NCAM2: variants seen among roughly 807,000 people sequenced by gnomAD.
The protein encoded by NCAM2 is N-CAM-2.
A neutral mutation model predicts 98.1 loss-of-function variants in NCAM2; 30 were observed. The observed-to-expected ratio is 0.31, with a 90% CI of 0.23 to 0.41. NCAM2 has a LOEUF of 0.41. Ranked by LOEUF, NCAM2 falls within the 10% of genes least tolerant of loss-of-function variation. NCAM2 has a pLI of 1.00. For synonymous variants in NCAM2, 368 were observed against 342.4 expected, an observed-to-expected ratio of 1.07 and a Z score of -0.83; for missense variants, 867 against 1,005.8, an observed-to-expected ratio of 0.86 and a Z score of 1.87.
intron 1 of NCAM2, among the ~76,000 whole-genome samples, chr21:21,150,344 GC>G (rs976224197): frequency 1.3e-5 from 2 of 151,846 alleles, no homozygotes; most frequent in African/African-American, 4.8e-5. Flanking sequence ...TTGTTTTCTT[GC>G]CTAGTCTGCT....
chr21:21,006,055 T>G (rs2146116911), intron 1 of NCAM2, among the ~76,000 whole-genome samples: 1 of 152,322 alleles, frequency 6.6e-6, no homozygotes, highest in Middle Eastern at 3.4e-3. Context: ...GATTTTAAGT[T>G]CCTTCTTTAG....
intron 6 of NCAM2, among the ~76,000 whole-genome samples, chr21:21,334,680 C>T (rs1454597264): frequency 1.3e-5 from 2 of 151,812 alleles, no homozygotes; most frequent in Non-Finnish European, 2.9e-5. Flanking sequence ...AAGGAGAATA[C>T]ACAATATAAA....
At chr21:21,296,568 G>A (rs1428914972) in intron 5 of NCAM2, among the ~76,000 whole-genome samples, 1 of 151,746 alleles carries the variant, frequency 6.6e-6, no homozygotes, top group African/African-American at 2.4e-5. Context: ...GACCATCGAT[G>A]CTTTATTAAA....
intron 1 of NCAM2, among the ~76,000 whole-genome samples, chr21:21,237,534 C>G (rs1051433132): frequency 4.0e-5 from 6 of 151,782 alleles, no homozygotes; most frequent in Non-Finnish European, 8.8e-5. Flanking sequence ...TTTAGCTTAC[C>G]TTTCAGCCTC....
Position 21,507,673 on chromosome 21 carries a change from T to C in NCAM2, c.2078-1178T>C, listed in dbSNP as rs367657504. 1.9e-4 allele frequency among the ~76,000 whole-genome samples: 28 copies of C among 150,978 alleles called. 1 individual carries two copies. The highest frequency in any genetic ancestry group is 6.6e-4 in the African/African-American group (27 of 41,092). On this transcript the variant is annotated intron_variant, in intron 15 of 17. Transcript: ENST00000400546. Reference sequence around the variant, plus strand: ...CCCAGGTGCAGTGGCGCCTGTAGTCTCAGCTACTCGGGAGGCTGAGGCATG... The same window carrying C: ...CCCAGGTGCAGTGGCGCCTGTAGTCCCAGCTACTCGGGAGGCTGAGGCATG...
At chr21:21,477,242 C>G in intron 14 of NCAM2, 49 bp from the exon 15 acceptor site, 1 of 1,388,862 alleles carries the variant, frequency 7.2e-7, no homozygotes, top group Non-Finnish European at 9.7e-7. Flanking sequence ...AAAAAGGTGT[C>G]ACTTTAGTGT....
At chr21:21,339,829 T>C (rs924725026) in intron 8 of NCAM2, among the ~76,000 whole-genome samples, 6 of 151,892 alleles carry the variant, frequency 4.0e-5, no homozygotes, top group African/African-American at 1.4e-4. Flanking sequence ...GACTGTGTTA[T>C]CATATATGTT....
At chr21:21,132,775 A>T (rs2066962797) in intron 1 of NCAM2, among the ~76,000 whole-genome samples, 1 of 151,304 alleles carries the variant, frequency 6.6e-6, no homozygotes, top group Non-Finnish European at 1.5e-5. Flanking sequence ...GAGAGACAAG[A>T]ACATAAGCTT....
intron 1 of NCAM2, among the ~76,000 whole-genome samples, chr21:21,205,264 A>G (rs1176090391): frequency 6.6e-6 from 1 of 152,226 alleles, no homozygotes; most frequent in East Asian, 1.9e-4. Flanking sequence ...CAATTTTCTC[A>G]TAAAACTGTA....
At chr21:21,496,234 A>G (rs1602500069) in intron 15 of NCAM2, among the ~76,000 whole-genome samples, 1 of 151,900 alleles carries the variant, frequency 6.6e-6, no homozygotes. Flanking sequence ...ATTCCCATCA[A>G]CAATGTATAA....
At chr21:21,303,109 G>A (rs1225763877) in intron 5 of NCAM2, among the ~76,000 whole-genome samples, 1 of 151,926 alleles carries the variant, frequency 6.6e-6, no homozygotes, top group Non-Finnish European at 1.5e-5. Context: ...AGCAGGGAGG[G>A]AGAAAGGGAG....
chr21:21,210,641 A>G (rs1012202597), intron 1 of NCAM2: 13 of 1,284,820 alleles, frequency 1.0e-5, no homozygotes, highest in African/African-American at 9.1e-5. Context: ...TGGAAATACA[A>G]CGAAGCACTT....
At chr21:21,391,546 G>T (rs2076380589) in intron 9 of NCAM2, among the ~76,000 whole-genome samples, 1 of 152,036 alleles carries the variant, frequency 6.6e-6, no homozygotes, top group African/African-American at 2.4e-5. Flanking sequence ...TAATTAATCT[G>T]AATCAAATGT....
intron 1 of NCAM2, among the ~76,000 whole-genome samples, chr21:21,248,291 T>C (rs1276119643): frequency 1.3e-5 from 2 of 152,198 alleles, no homozygotes; most frequent in Non-Finnish European, 2.9e-5. Context: ...ATTTCCAATC[T>C]ACTTTTCTTT....
At chr21:21,234,646 G>A (rs1010803000) in intron 1 of NCAM2, among the ~76,000 whole-genome samples, 5 of 151,884 alleles carry the variant, frequency 3.3e-5, no homozygotes, top group South Asian at 2.1e-4. Context: ...CACATTATCC[G>A]TGGTGTGAAT....
chr21:21,289,679 A>G (rs2073225635), intron 4 of NCAM2, among the ~76,000 whole-genome samples: 1 of 151,978 alleles, frequency 6.6e-6, no homozygotes. Flanking sequence ...TAGGATTTTT[A>G]AACAAAGGAC....
At chr21:21,064,173 G>A (rs1037278049) in intron 1 of NCAM2, among the ~76,000 whole-genome samples, 7 of 152,166 alleles carry the variant, frequency 4.6e-5, no homozygotes, top group Admixed American at 6.5e-5. Context: ...AGGCTTTGAG[G>A]CTGGAGATAT....
intron 1 of NCAM2, among the ~76,000 whole-genome samples, chr21:21,062,501 G>A (rs1406485238): frequency 6.6e-6 from 1 of 152,156 alleles, no homozygotes; most frequent in Non-Finnish European, 1.5e-5. Context: ...AGAGCCATGT[G>A]TTAGGCACTC....
chr21:21,293,741 CTATT>C (rs746713878), intron 5 of NCAM2, among the ~76,000 whole-genome samples: 4 of 151,444 alleles, frequency 2.6e-5, no homozygotes, highest in Admixed American at 6.6e-5. Flanking sequence ...TATATAGTGG[CTATT>C]TAGTTTGTTA....
Sources: gnomAD v4.1 joint callset for allele counts (sites outside exome capture counted in the v4.1 genomes callset) on GRCh38, gnomAD v4.1.1 for gene constraint, MANE v1.5 for transcripts, NCBI Gene and HGNC (gene_info 2026-07-23, HGNC 2026-07-21) for gene names.